Variants in ZNF521 observed in about 807,000 individuals in gnomAD.
ZNF521 encodes LYST-interacting protein 3.
ZNF521 carries 14 observed loss-of-function variants against 105.5 expected under a neutral mutation model. The ratio of observed to expected loss-of-function variants is 0.13; its 90% CI spans 0.09 to 0.21. The LOEUF is 0.21. ZNF521 is among the 10% of genes least tolerant of loss of function. ZNF521 has a pLI of 1.00. For synonymous variants in ZNF521, 635 were observed against 606.0 expected, an observed-to-expected ratio of 1.05 and a Z score of -0.70; for missense variants, 1,233 against 1,629.7, an observed-to-expected ratio of 0.76 and a Z score of 4.19.
intron 3 of ZNF521, among the ~76,000 whole-genome samples, chr18:25,238,903 T>C (rs7236392): frequency 0.028 from 4,321 of 152,230 alleles, 212 homozygotes; most frequent in African/African-American, 0.1. Context: ...TTAGCAAGTT[T>C]CCTGAGTCTT....
intron 5 of ZNF521, among the ~76,000 whole-genome samples, chr18:25,116,871 G>GTATATATATATGTTACATATATATATA (rs2034314535): frequency 5.0e-5 from 7 of 138,738 alleles, no homozygotes; most frequent in African/African-American, 1.9e-4. Context: ...ATATATATAC[G>GTATATATATATGTTACATATATATATA]TATATATATA....
chr18:25,184,502 A>G (rs983949516), intron 5 of ZNF521, among the ~76,000 whole-genome samples: 2 of 152,180 alleles, frequency 1.3e-5, no homozygotes, highest in Non-Finnish European at 1.5e-5. Flanking sequence ...GGCTATTTCA[A>G]TTAGTATTAC....
At chr18:25,182,641 A>G (rs1216566766) in intron 5 of ZNF521, among the ~76,000 whole-genome samples, 1 of 152,208 alleles carries the variant, frequency 6.6e-6, no homozygotes, top group African/African-American at 2.4e-5. Context: ...ACTGCATCAT[A>G]ATGAAACCTA....
intron 7 of ZNF521, among the ~76,000 whole-genome samples, chr18:25,067,853 C>T (rs915149718): frequency 5.3e-5 from 8 of 152,144 alleles, no homozygotes; most frequent in African/African-American, 7.2e-5. Context: ...CTGTTGGCAT[C>T]GGCAAAATGT....
chr18:25,159,727 T>C (rs2035216141), intron 5 of ZNF521, among the ~76,000 whole-genome samples: 1 of 152,128 alleles, frequency 6.6e-6, no homozygotes, highest in Non-Finnish European at 1.5e-5. Context: ...CACTTCACTG[T>C]GCCAAATTTA....
intron 3 of ZNF521, among the ~76,000 whole-genome samples, chr18:25,263,807 A>G (rs529900816): frequency 6.6e-6 from 1 of 152,176 alleles, no homozygotes; most frequent in South Asian, 2.1e-4. Context: ...CGAACTCCTG[A>G]GCTCAGGTTA....
At chr18:25,188,915 T>C (rs2035772410) in intron 5 of ZNF521, among the ~76,000 whole-genome samples, 1 of 152,196 alleles carries the variant, frequency 6.6e-6, no homozygotes, top group Admixed American at 6.5e-5. Flanking sequence ...TCACAGAAAA[T>C]TAACATCATA....
intron 5 of ZNF521, among the ~76,000 whole-genome samples, chr18:25,127,767 A>C (rs1184014006): frequency 6.6e-6 from 1 of 152,042 alleles, no homozygotes; most frequent in African/African-American, 2.4e-5. Context: ...TTAAGAGTAC[A>C]TGTATTAAAG....
intron 3 of ZNF521, among the ~76,000 whole-genome samples, chr18:25,264,573 T>G (rs954366776): frequency 6.6e-6 from 1 of 152,220 alleles, no homozygotes; most frequent in African/African-American, 2.4e-5. Flanking sequence ...TTCTACCAAG[T>G]TCAATTTTTG....
chr18:25,118,652 A>C lies in ZNF521; in HGVS notation c.3659-26571T>G, dbSNP rs554686441. Among the ~76,000 whole-genome samples the C allele has an allele frequency of 2.0e-5, 3 of 152,162 alleles. No individual in the cohort carries two copies. The South Asian group carries it at 6.2e-4, about 32-fold the overall frequency. On this transcript the variant is annotated intron_variant, in intron 5 of 7. Transcript: ENST00000361524. Reference sequence around the variant, plus strand: ...TAATAAGGCAAAGGGATATAGCTGAAATGCCTACAAATAAATGATAATGGA... The same window carrying C: ...TAATAAGGCAAAGGGATATAGCTGACATGCCTACAAATAAATGATAATGGA...
intron 5 of ZNF521, among the ~76,000 whole-genome samples, chr18:25,183,294 T>C (rs11874552): frequency 0.024 from 3,728 of 152,262 alleles, 158 homozygotes; most frequent in African/African-American, 0.085. Context: ...TAAAGCTCAA[T>C]TGATGTTAGG....
intron 5 of ZNF521, among the ~76,000 whole-genome samples, chr18:25,194,832 A>C (rs2035876568): frequency 6.6e-6 from 1 of 151,608 alleles, no homozygotes; most frequent in Admixed American, 6.6e-5. Flanking sequence ...CCTGTCTAAA[A>C]CTCTATGGAA....
chr18:25,337,252 T>C (rs1913944077), intron 2 of ZNF521, among the ~76,000 whole-genome samples: 1 of 152,182 alleles, frequency 6.6e-6, no homozygotes, highest in Non-Finnish European at 1.5e-5. Context: ...ATCCTTTCTA[T>C]AATATGTCAG....
In ZNF521 at chr18:25,226,512, A is replaced by G. The variant is rs1265659970; in HGVS notation, c.1406T>C (p.Val469Ala). The G allele has an allele frequency of 6.2e-7, 1 of 1,614,182 alleles. No individual in the cohort carries two copies. The highest frequency in any genetic ancestry group is 1.3e-5 in the African/African-American group (1 of 75,050). The change falls in exon 4 of 8, where the codon GTT becomes GCT. Residue 469 changes from valine to alanine, a missense_variant. Around this residue, in one of 6 missense-constraint regions of ZNF521, gnomAD observed 380 missense variants for 478.0 expected, o/e 0.80. Coordinates refer to ENST00000361524, the MANE Select transcript of ZNF521 (RefSeq NM_015461.3). This position sits in a 1 kb window ranked among gnomAD's most constrained non-coding sequence, Gnocchi z 4.1. ...GTAGACAATGGCAGGCATGGCAGAA[A>G]CAATCAGACCTGGGTCCTGAGCTTC... ...VHEAQDPGLI[V>A]SAMPAIVYQC...
rs1914338375 is a variant in ZNF521 at position 25,343,801 on chromosome 18, AAAT to A, written c.40+7103_40+7105del. ...TAGAATTAAAAGAGATGCTGCCCCA[AAAT>A]AATAATTTTTAAACTTAATCTTTTT... On this transcript the variant is annotated intron_variant, in intron 2 of 7. Transcript: ENST00000361524. 2.0e-5 allele frequency among the ~76,000 whole-genome samples: 3 copies of A among 152,324 alleles called. No homozygotes were observed. The South Asian group carries it at 6.2e-4, about 32-fold the overall frequency.
At chr18:25,303,079 A>G (rs1182231015) in intron 3 of ZNF521, 1 of 152,062 alleles carries the variant, frequency 6.6e-6, no homozygotes, top group African/African-American at 2.4e-5. Context: ...CCTTTTCCTA[A>G]CCTCCAACAG....
At chr18:25,262,439 C>T (rs1401334304) in intron 3 of ZNF521, among the ~76,000 whole-genome samples, 1 of 152,068 alleles carries the variant, frequency 6.6e-6, no homozygotes, top group East Asian at 1.9e-4. Context: ...TTGAAGTTGA[C>T]CTTTTGTTTA....
At position 25,226,668 on chromosome 18, in the gene ZNF521, C is replaced by T. The variant is rs1463124584; in HGVS notation, c.1250G>A (p.Ser417Asn). 1 of 1,614,150 alleles carries T rather than the reference C, an allele frequency of 6.2e-7. No homozygotes were observed. Among genetic ancestry groups the T allele is most frequent in the Non-Finnish European group, 8.5e-7 (1 of 1,180,026 alleles). The change falls in exon 4 of 8, where the codon AGT becomes AAT. Residue 417 changes from serine (S) to asparagine (N), a missense_variant. Ser to Asn is a conservative substitution (Grantham distance 46). This residue lies in a region of ZNF521 where 380 missense variants were observed against 478.0 expected (regional missense o/e 0.80). Transcript: ENST00000361524. This position sits in a 1 kb window ranked among gnomAD's most constrained non-coding sequence, Gnocchi z 4.1. ...CIYCNKQLFS[S>N]LAVLQIHLKT... is the part of the protein sequence containing the mutation. ...CAGGTGAATCTGCAGAACTGCAAGA[C>T]TTGAAAATAATTGTTTGTTGCAGTA... is the stretch of plus-strand genomic sequence containing the variant.
chr18:25,310,950 C>T (rs1228864290), intron 3 of ZNF521, among the ~76,000 whole-genome samples: 1 of 152,142 alleles, frequency 6.6e-6, no homozygotes, highest in Non-Finnish European at 1.5e-5. Flanking sequence ...CTACAATTCA[C>T]CCAGGAGACA....
Sources: gnomAD v4.1 joint callset for allele counts (sites outside exome capture counted in the v4.1 genomes callset) on GRCh38, gnomAD v4.1.1 for gene constraint, gnomAD v4.1.1 regional missense constraint, Gnocchi (gnomAD v3.1) non-coding constraint, MANE v1.5 for transcripts, NCBI Gene and HGNC (gene_info 2026-07-23, HGNC 2026-07-21) for gene names.